TPRG1: variants seen among roughly 807,000 people sequenced by gnomAD.
The protein encoded by TPRG1 is tumor protein p63 regulated 1.
A neutral mutation model predicts 29.3 loss-of-function variants in TPRG1; 29 were observed. That is an observed-to-expected ratio of 0.99 (90% CI 0.74 to 1.35). The LOEUF (loss-of-function observed/expected upper bound fraction) is 1.35. Ranked by LOEUF, TPRG1 falls within the 40% of genes most tolerant of loss-of-function variation. The probability of loss-of-function intolerance (pLI) is 0.00; values close to 1 mark genes in which losing one functional copy is unlikely to be tolerated. For missense variants in TPRG1, 327 were observed against 335.0 expected, an observed-to-expected ratio of 0.98 and a Z score of 0.19; for synonymous variants, 130 against 116.8, an observed-to-expected ratio of 1.11 and a Z score of -0.73.
chr3:189,262,861 G>A (rs555099393), intron 4 of TPRG1, among the ~76,000 whole-genome samples: 1 of 152,352 alleles, frequency 6.6e-6, no homozygotes, highest in Non-Finnish European at 1.5e-5. Flanking sequence ...GCTGTTGGCA[G>A]GCCCAGGGCC....
chr3:189,198,684 G>T (rs1167837274), intron 1 of TPRG1, among the ~76,000 whole-genome samples: 1 of 152,174 alleles, frequency 6.6e-6, no homozygotes, highest in African/African-American at 2.4e-5. Flanking sequence ...CATACTAAGT[G>T]CTGGACTATG....
chr3:189,078,926 C>T (rs1036522316), intron 4 of TPRG1, among the ~76,000 whole-genome samples: 4 of 152,118 alleles, frequency 2.6e-5, no homozygotes, highest in South Asian at 4.1e-4. Flanking sequence ...TAACTGTCAT[C>T]GTGTCTCAGT....
intron 4 of TPRG1, among the ~76,000 whole-genome samples, chr3:189,044,481 G>A: frequency 6.6e-6 from 1 of 152,018 alleles, no homozygotes; most frequent in South Asian, 2.1e-4. Context: ...CTTGAACCTG[G>A]GAGGTGGAGG....
chr3:189,244,020 T>A (rs1297085483), intron 4 of TPRG1, among the ~76,000 whole-genome samples: 1 of 152,166 alleles, frequency 6.6e-6, no homozygotes, highest in Non-Finnish European at 1.5e-5. Flanking sequence ...AATTTCAAAG[T>A]TGCTTCCATA....
chr3:189,228,147 C>T (rs559997754), intron 3 of TPRG1, among the ~76,000 whole-genome samples: 11 of 152,112 alleles, frequency 7.2e-5, no homozygotes, highest in African/African-American at 2.7e-4. Flanking sequence ...GCAACAACGA[C>T]GACAACAACA....
intron 4 of TPRG1, among the ~76,000 whole-genome samples, chr3:189,280,538 G>A (rs1473412359): frequency 1.3e-5 from 2 of 152,020 alleles, no homozygotes; most frequent in Non-Finnish European, 2.9e-5. Context: ...CTAAGCTGCA[G>A]CATTGAGACC....
Position 189,181,218 on chromosome 3 carries a change from A to G in TPRG1, c.-10+9087A>G, listed in dbSNP as rs144492293. 3.4e-3 allele frequency among the ~76,000 whole-genome samples: 512 copies of G among 152,318 alleles called. 1 individual carries two copies. The highest frequency in any genetic ancestry group is 0.012 in the African/African-American group (488 of 41,566). On this transcript the variant is annotated intron_variant, in intron 1 of 5. Coordinates refer to ENST00000345063, the MANE Select transcript of TPRG1 (RefSeq NM_198485.4). ...AGGGGCTGCTATGAAGACCTCTGAC[A>G]TGCCCTGGAGACATTTTCCCCATTT...
Position 189,055,173 on chromosome 3 carries a change from T to A in TPRG1, c.-463+31227T>A, listed in dbSNP as rs138112162. ...ATCCTTTTCTAAGGTCCCCAGGTAG[T>A]TAGAAGAGATCTCTTAATGCCCAGT... On this transcript the variant is annotated intron_variant, in intron 4 of 10. Transcript: ENST00000433971. Among the ~76,000 whole-genome samples, 5 of 152,278 alleles carry A rather than the reference T, an allele frequency of 3.3e-5. No individual in the cohort carries two copies. In the East Asian group the frequency reaches 9.6e-4, roughly 29 times the overall value.
At chr3:189,261,793 G>A (rs562441605) in intron 4 of TPRG1, among the ~76,000 whole-genome samples, 13 of 152,268 alleles carry the variant, frequency 8.5e-5, no homozygotes, top group Admixed American at 2.6e-4. Context: ...AGTTTATTAC[G>A]GGATGAGCCA....
At chr3:189,246,662 T>C (rs1413479524) in intron 4 of TPRG1, among the ~76,000 whole-genome samples, 1 of 152,226 alleles carries the variant, frequency 6.6e-6, no homozygotes, top group African/African-American at 2.4e-5. Flanking sequence ...TTAGCATTTC[T>C]TGTAGTATAA....
chr3:189,024,266 C>A (rs1168744566), intron 4 of TPRG1, among the ~76,000 whole-genome samples: 2 of 152,146 alleles, frequency 1.3e-5, no homozygotes, highest in Non-Finnish European at 2.9e-5. Flanking sequence ...TTTAAAGAAG[C>A]AGTCTGGCCA....
intron 3 of TPRG1, among the ~76,000 whole-genome samples, chr3:189,222,411 G>T (rs1158144769): frequency 1.3e-5 from 2 of 152,080 alleles, no homozygotes; most frequent in Non-Finnish European, 2.9e-5. Context: ...AAAGTACTAT[G>T]GAAACTACCA....
intron 4 of TPRG1, among the ~76,000 whole-genome samples, chr3:189,276,280 G>A (rs1424343455): frequency 6.6e-6 from 1 of 152,094 alleles, no homozygotes; most frequent in African/African-American, 2.4e-5. Flanking sequence ...ATCTTGATTT[G>A]GTGCTGGAAG....
At chr3:189,038,070 AAAAAC>A (rs1464283029) in intron 4 of TPRG1, among the ~76,000 whole-genome samples, 6 of 151,738 alleles carry the variant, frequency 4.0e-5, no homozygotes, top group African/African-American at 7.2e-5. Flanking sequence ...ATATATTGTG[AAAAAC>A]AAAAGTCCAT....
At chr3:189,251,138 C>A (rs1468450806) in intron 4 of TPRG1, among the ~76,000 whole-genome samples, 1 of 151,410 alleles carries the variant, frequency 6.6e-6, no homozygotes, top group African/African-American at 2.4e-5. Context: ...CCTTTCTCTT[C>A]TTCCTTCCTC....
Position 189,310,518 on chromosome 3 carries a change from G to T in TPRG1, c.612G>T (p.Glu204Asp), listed in dbSNP as rs1050205302. ...FTEHPMKYTS[E>D]KFLEICKLSG... The stretch of plus-strand genomic sequence containing the variant: ...AGCATCCTATGAAATACACCAGTGA[G>T]AAATTCCTTGAAATTTGCAAGGTAG... Residue 204 changes from glutamate to aspartate, a missense_variant, in exon 5 of 6, where the codon GAG (glutamate) becomes GAT (aspartate). By Grantham distance (45) the Glu-to-Asp change is conservative. Transcript: ENST00000345063. The T allele has an allele frequency of 5.0e-6, 8 of 1,609,792 alleles. No homozygotes were observed. In the Admixed American group the frequency reaches 1.2e-4, roughly 23 times the overall value.
At chr3:189,303,546 T>C (rs561433634) in intron 4 of TPRG1, among the ~76,000 whole-genome samples, 5 of 152,326 alleles carry the variant, frequency 3.3e-5, no homozygotes, top group African/African-American at 1.2e-4. Context: ...CATTTTTTTT[T>C]GACTACCAGT....
rs1174221636 is a variant in TPRG1 at position 189,310,416 on chromosome 3, G to A, written c.510G>A (p.Trp170Ter). ...AAGGAGAAGGCCTTAGGATCTACTG[G>A]GGGAGTCCGGAGGAGCAGTCTCTTC... is the stretch of plus-strand genomic sequence containing the variant. ...KRQGEGLRIYWGSPEEQSLLS... is the reference protein window; with the variant it reads ...KRQGEGLRIY Residue 170 changes from tryptophan (W) to a stop codon, truncating the protein, a stop_gained, in exon 5 of 6, where the codon TGG (tryptophan) becomes TGA (stop). Transcript: ENST00000345063. LOFTEE classifies it high-confidence loss of function. 2 of 1,610,594 alleles carry A rather than the reference G, an allele frequency of 1.2e-6. No homozygotes were observed.
At chr3:189,117,033 T>A (rs977736410) in intron 1 of TPRG1, among the ~76,000 whole-genome samples, 6 of 152,220 alleles carry the variant, frequency 3.9e-5, no homozygotes, top group Admixed American at 3.3e-4. Flanking sequence ...TTACTTTTCA[T>A]ACCAGTTCGC....
Sources: allele counts gnomAD v4.1 joint callset (sites outside exome capture counted in the v4.1 genomes callset), GRCh38; gene constraint gnomAD v4.1.1; transcripts MANE v1.5; gene names NCBI Gene and HGNC (gene_info 2026-07-23, HGNC 2026-07-21).